The following SLC16A12 variants were observed in gnomAD, a reference collection of about 807,000 sequenced individuals.
SLC16A12 encodes monocarboxylate transporter 12.
In SLC16A12, 17 loss-of-function variants were observed where a neutral mutation model predicts 42.4. The ratio of observed to expected loss-of-function variants is 0.40; its 90% CI spans 0.27 to 0.60. The LOEUF (loss-of-function observed/expected upper bound fraction) is 0.60, where lower values mean the gene tolerates loss of function less well. Among genes scored for constraint, SLC16A12 ranks in the 20% least tolerant of loss-of-function variants. The pLI is 0.42. For missense variants in SLC16A12, 544 were observed against 623.0 expected (o/e 0.87, Z 1.35); for synonymous variants, 224 against 229.4 (o/e 0.98, Z 0.21).
upstream of SLC16A12, among the ~76,000 whole-genome samples, chr10:89,535,797 C>T (rs1326090608): frequency 6.6e-6 from 1 of 152,158 alleles, no homozygotes; most frequent in East Asian, 1.9e-4. Context: ...CTGCGCGATC[C>T]GCGCTTCGGT....
intron 3 of SLC16A12, among the ~76,000 whole-genome samples, chr10:89,454,846 T>C (rs1383743194): frequency 6.6e-6 from 1 of 152,148 alleles, no homozygotes; most frequent in Non-Finnish European, 1.5e-5. Flanking sequence ...ACTAGACTGT[T>C]ACCCTGTGAC....
chr10:89,459,689 C>T (rs972047645), intron 3 of SLC16A12, among the ~76,000 whole-genome samples: 6 of 152,176 alleles, frequency 3.9e-5, no homozygotes, highest in Non-Finnish European at 8.8e-5. Flanking sequence ...CCCTATAATC[C>T]TAGCACTTGG....
chr10:89,486,942 T>G (rs1042359689), intron 2 of SLC16A12, among the ~76,000 whole-genome samples: 1 of 152,202 alleles, frequency 6.6e-6, no homozygotes, highest in Non-Finnish European at 1.5e-5. Context: ...GAGATATGTG[T>G]GGGCTGGTAC....
In SLC16A12 at chr10:89,430,849, A is replaced by T; in HGVS notation, c.*2215T>A. The T allele has an allele frequency of 2.6e-6, 1 of 385,090 alleles. No homozygotes were observed. The highest frequency in any genetic ancestry group is 5.1e-6 in the Non-Finnish European group (1 of 196,434). 23.9% of individuals were successfully genotyped at this position (385,090 alleles called of 1,614,324 possible). A position where few individuals can be genotyped will look rare whatever the true frequency, so the allele number is the denominator to read the frequency against. On this transcript the variant is annotated 3_prime_UTR_variant, in exon 8 of 8. Coordinates refer to ENST00000371790, the MANE Select transcript of SLC16A12 (RefSeq NM_213606.4). ...ACCACATAAACAAAATTTTGTTGTG[A>T]TCATGATAAAAAATATGTATAAGAA...
At chr10:89,455,083 C>T (rs576934700) in intron 3 of SLC16A12, among the ~76,000 whole-genome samples, 6 of 152,090 alleles carry the variant, frequency 3.9e-5, no homozygotes, top group African/African-American at 1.4e-4. Context: ...AGGAGGAAGA[C>T]TGGATGGTAG....
intron 2 of SLC16A12, among the ~76,000 whole-genome samples, chr10:89,512,872 G>A (rs930326552): frequency 2.6e-5 from 4 of 152,168 alleles, no homozygotes; most frequent in Middle Eastern, 3.2e-3. Context: ...CGTGGAATTG[G>A]CATCTGAAGT....
chr10:89,500,754 C>T (rs1002854640), intron 2 of SLC16A12, among the ~76,000 whole-genome samples: 2 of 152,162 alleles, frequency 1.3e-5, no homozygotes, highest in Non-Finnish European at 2.9e-5. Context: ...TCCACTCTCA[C>T]CACTCCTCTT....
chr10:89,439,684 A>T (rs1324380136), intron 5 of SLC16A12, among the ~76,000 whole-genome samples: 1 of 152,222 alleles, frequency 6.6e-6, no homozygotes. Flanking sequence ...TGCCAATTTT[A>T]TATGTGAACA....
upstream of SLC16A12, among the ~76,000 whole-genome samples, chr10:89,537,382 T>G (rs935186602): frequency 1.3e-5 from 2 of 152,114 alleles, no homozygotes; most frequent in African/African-American, 4.8e-5. Flanking sequence ...CTTTCTCATT[T>G]TACCCTCTGG....
At position 89,436,328 on chromosome 10, in the gene SLC16A12, T is replaced by C. The variant is rs986975967; in HGVS notation, c.1029-9A>G. On this transcript the variant is annotated splice_polypyrimidine_tract_variant and intron_variant, in intron 6 of 7. Coordinates refer to ENST00000371790, the MANE Select transcript of SLC16A12 (RefSeq NM_213606.4). ...GGTAATTCTTCAGACACCTGTAGAT[T>C]TGAAGAACAAGAATAAGTGCAGGAG... 6.2e-7 allele frequency: 1 copy of C among 1,613,928 alleles called. No homozygotes were observed. Among genetic ancestry groups the C allele is most frequent in the Non-Finnish European group, 8.5e-7 (1 of 1,179,940 alleles).
chr10:89,436,351 G>C, intron 6 of SLC16A12, 32 bp from the exon 7 acceptor site: 2 of 1,613,520 alleles, frequency 1.2e-6, no homozygotes, highest in Non-Finnish European at 8.5e-7. Flanking sequence ...ATAAGTGCAG[G>C]AGGTACACAT....
rs147820582 is a variant in SLC16A12 at position 89,445,546 on chromosome 10, C to T, written c.201-1687G>A. Among the ~76,000 whole-genome samples, 1,221 of 152,240 alleles carry T rather than the reference C, an allele frequency of 8.0e-3. 20 individuals are homozygous for T. Among genetic ancestry groups the T allele is most frequent in the African/African-American group, 0.028 (1,159 of 41,538 alleles). ...TAGAAGGAAAACTAACAAACAGAAA[C>T]GAATAACATCAACGTCAACAAAAAG... On this transcript the variant is annotated intron_variant, in intron 3 of 7. Transcript: ENST00000371790.
At chr10:89,441,376 T>C in intron 4 of SLC16A12, 125 bp from the exon 5 acceptor site, 1 of 1,181,914 alleles carries the variant, frequency 8.5e-7, no homozygotes, top group Non-Finnish European at 1.2e-6. Context: ...ATTCTGCAGC[T>C]TTGGAAACTG....
chr10:89,523,109 T>C (rs557662128), intron 2 of SLC16A12, among the ~76,000 whole-genome samples: 31 of 152,342 alleles, frequency 2.0e-4, no homozygotes, highest in African/African-American at 7.0e-4. Context: ...ATTTTGAACC[T>C]AGACCTTTTC....
chr10:89,459,561 C>T (rs564252070), intron 3 of SLC16A12, among the ~76,000 whole-genome samples: 8 of 127,462 alleles, frequency 6.3e-5, no homozygotes, highest in African/African-American at 2.0e-4. Flanking sequence ...TTTCAAGAGT[C>T]AATGGATTAT....
chr10:89,476,526 A>T (rs192873307), intron 2 of SLC16A12, among the ~76,000 whole-genome samples: 86 of 152,326 alleles, frequency 5.6e-4, no homozygotes, highest in Non-Finnish European at 1.1e-3. Context: ...CACTATCTCC[A>T]GTGCCTAGGA....
At chr10:89,550,348 G>A (rs576202613) in intron 2 of SLC16A12, among the ~76,000 whole-genome samples, 3 of 152,138 alleles carry the variant, frequency 2.0e-5, no homozygotes, top group East Asian at 1.9e-4. Context: ...GTGAAACCCC[G>A]TCTCTACTAA....
rs771090654 is a variant in SLC16A12, at chr10:89,436,032, T to C, written c.1288+28A>G. On this transcript the variant is annotated intron_variant, in intron 7 of 7. Transcript: ENST00000371790. ...ACATCAATATGCCAAAGAGAAAAGGTGGTTGGGGTTTCTCTCTGGAAACTT... is the reference window on the plus strand; with the variant it reads ...ACATCAATATGCCAAAGAGAAAAGGCGGTTGGGGTTTCTCTCTGGAAACTT... 8 of 1,613,034 alleles carry C rather than the reference T, an allele frequency of 5.0e-6. No homozygotes were observed. In the Admixed American group the frequency reaches 1.0e-4, roughly 20 times the overall value.
intron 2 of SLC16A12, among the ~76,000 whole-genome samples, chr10:89,472,976 T>G (rs1003342478): frequency 6.6e-6 from 1 of 151,526 alleles, no homozygotes; most frequent in Non-Finnish European, 1.5e-5. Flanking sequence ...TACCACCACA[T>G]CTAACCAATT....
Sources: allele counts gnomAD v4.1 joint callset (sites outside exome capture counted in the v4.1 genomes callset), GRCh38; gene constraint gnomAD v4.1.1; transcripts MANE v1.5; gene names NCBI Gene and HGNC (gene_info 2026-07-23, HGNC 2026-07-21).